HIF1AN: variants seen among roughly 807,000 people sequenced by gnomAD.
HIF1AN encodes the protein hypoxia-inducible factor 1-alpha inhibitor.
Under a neutral mutation model 47.7 loss-of-function variants are expected in HIF1AN, and 21 were observed. That is an observed-to-expected ratio of 0.44 (90% CI 0.31 to 0.63). HIF1AN has a LOEUF of 0.63. Ranked by LOEUF, HIF1AN falls within the 30% of genes least tolerant of loss-of-function variation. HIF1AN has a pLI of 0.07. For synonymous variants in HIF1AN, 152 were observed against 155.9 expected, an observed-to-expected ratio of 0.98 and a Z score of 0.18; for missense variants, 320 against 432.7, an observed-to-expected ratio of 0.74 and a Z score of 2.31.
intron 7 of HIF1AN, 23 bp downstream of exon 7, chr10:100,547,273 C>A: frequency 6.6e-7 from 1 of 1,514,710 alleles, no homozygotes; most frequent in Non-Finnish European, 9.2e-7. Context: ...CCCAAGGTGG[C>A]TCAGTGGGTG....
At chr10:100,542,541 G>C (rs375576272) in intron 3 of HIF1AN, among the ~76,000 whole-genome samples, 240 of 152,134 alleles carry the variant, frequency 1.6e-3, no homozygotes, top group African/African-American at 5.5e-3. Flanking sequence ...ACTTTTAGTA[G>C]AGATGGGGTT....
intron 3 of HIF1AN, among the ~76,000 whole-genome samples, chr10:100,543,546 C>G (rs1426526559): frequency 3.9e-5 from 6 of 152,048 alleles, no homozygotes; most frequent in Non-Finnish European, 7.4e-5. Flanking sequence ...TCTTGGTTGA[C>G]CTGCCAAGAA....
chr10:100,545,867 C>T (rs1843088555), intron 4 of HIF1AN, 76 bp from the exon 5 acceptor site: 1 of 915,026 alleles, frequency 1.1e-6, no homozygotes. Flanking sequence ...GTTTTTACTG[C>T]CAAACTGGCA....
Position 100,554,085 on chromosome 10 carries a change from G to A in HIF1AN, c.*5948G>A, listed in dbSNP as rs1035744934. 2.6e-5 allele frequency: 4 copies of A among 152,196 alleles called. No individual in the cohort carries two copies. Among genetic ancestry groups the A allele is most frequent in the Admixed American group, 6.5e-5 (1 of 15,282 alleles). The allele number at this position is 152,196 out of a possible 1,614,324, so 9.4% of individuals were successfully genotyped here. ...GAGTCTAGTACCTAAACTCACCCTA[G>A]AGGAAGAGAAACAGGAAGTGTCTTA... On this transcript the variant is annotated 3_prime_UTR_variant, in exon 8 of 8. Transcript: ENST00000299163.
Position 100,548,009 on chromosome 10 carries a change from C to T in HIF1AN, c.1006-84C>T, listed in dbSNP as rs1022812473. On this transcript the variant is annotated intron_variant, in intron 7 of 7. Transcript: ENST00000299163. Reference sequence around the variant, plus strand: ...AACATTGTCTCTGTCCTTGGCTGGACATCTGATGTCTCCAGACACACCCTG... The same window carrying T: ...AACATTGTCTCTGTCCTTGGCTGGATATCTGATGTCTCCAGACACACCCTG... The T allele has an allele frequency of 1.1e-5, 14 of 1,234,894 alleles. No homozygotes were observed. The African/African-American group carries it at 1.6e-4, about 14-fold the overall frequency. The allele number at this position is 1,234,894 out of a possible 1,614,324, so 76.5% of individuals were successfully genotyped here. A position where few individuals can be genotyped will look rare whatever the true frequency, so the allele number is the denominator to read the frequency against.
chr10:100,546,493 C>A, intron 5 of HIF1AN, 25 bp from the exon 6 acceptor site: 1 of 1,156,046 alleles, frequency 8.7e-7, no homozygotes, highest in Non-Finnish European at 1.2e-6. Flanking sequence ...CAGTAGTAAA[C>A]AGGAGCCTGT....
intron 3 of HIF1AN, 132 bp downstream of exon 3, chr10:100,540,914 C>G: frequency 1.2e-6 from 1 of 843,172 alleles, no homozygotes; most frequent in Non-Finnish European, 1.7e-6. Context: ...CTACTCAGCT[C>G]TAAAAGAAAC....
At position 100,549,840 on chromosome 10, in the gene HIF1AN, C is replaced by G. The variant is rs77405998; in HGVS notation, c.*1703C>G. On this transcript the variant is annotated 3_prime_UTR_variant, in exon 8 of 8. Transcript: ENST00000299163. ...AGCTCAGTTATAGTGCACTGATGAACTGAGAGGATGCGTGTGGATGTGTGT... is the reference window on the plus strand; with the variant it reads ...AGCTCAGTTATAGTGCACTGATGAAGTGAGAGGATGCGTGTGGATGTGTGT... The G allele has an allele frequency of 0.024, 3,653 of 151,458 alleles. 148 individuals carry two copies. Among genetic ancestry groups the G allele is most frequent in the East Asian group, 0.21 (1,087 of 5,124 alleles). 9.4% of individuals were successfully genotyped at this position (151,458 alleles called of 1,614,324 possible).
In HIF1AN at chr10:100,559,798, A is replaced by G. The variant is rs1308058633; in HGVS notation, c.*11661A>G. On this transcript the variant is annotated 3_prime_UTR_variant, in exon 8 of 8. Coordinates refer to ENST00000299163, the MANE Select transcript of HIF1AN (RefSeq NM_017902.3). ...AAAGTCACTCTCATTGACATTAAGAAACTCAGAGAGTGGGTTCTAAATGTA... is the reference window on the plus strand; with the variant it reads ...AAAGTCACTCTCATTGACATTAAGAGACTCAGAGAGTGGGTTCTAAATGTA... 2 of 152,188 alleles carry G rather than the reference A, an allele frequency of 1.3e-5. No individual in the cohort carries two copies. Among genetic ancestry groups the G allele is most frequent in the Non-Finnish European group, 2.9e-5 (2 of 68,036 alleles). 9.4% of individuals were successfully genotyped at this position (152,188 alleles called of 1,614,324 possible).
In HIF1AN at chr10:100,548,798, A is replaced by G. The variant is rs534802095; in HGVS notation, c.*661A>G. ...TGAGAGAGGATTAGATAGGGTTCCAACTGGGCCTACAAGCTCAAGCCATAC... is the reference window on the plus strand; with the variant it reads ...TGAGAGAGGATTAGATAGGGTTCCAGCTGGGCCTACAAGCTCAAGCCATAC... On this transcript the variant is annotated 3_prime_UTR_variant, in exon 8 of 8. Transcript: ENST00000299163. 6.6e-6 allele frequency: 1 copy of G among 152,622 alleles called. No individual in the cohort carries two copies. Among genetic ancestry groups the G allele is most frequent in the African/African-American group, 2.4e-5 (1 of 41,430 alleles). 9.5% of individuals were successfully genotyped at this position (152,622 alleles called of 1,614,324 possible). A position where few individuals can be genotyped will look rare whatever the true frequency, so the allele number is the denominator to read the frequency against.
At chr10:100,539,958 G>A (rs541296324) in intron 2 of HIF1AN, among the ~76,000 whole-genome samples, 2 of 152,242 alleles carry the variant, frequency 1.3e-5, no homozygotes, top group South Asian at 4.1e-4. Context: ...AGTTCTGGGT[G>A]TATGTGCATT....
chr10:100,539,065 C>T (rs972466381), intron 2 of HIF1AN, among the ~76,000 whole-genome samples: 7 of 152,048 alleles, frequency 4.6e-5, no homozygotes, highest in Admixed American at 3.9e-4. Context: ...GCTGCCACCA[C>T]CATGCCCAGC....
Position 100,536,081 on chromosome 10 carries a change from C to A in HIF1AN, c.123C>A (p.Pro41=). 1 of 1,611,608 alleles carries A rather than the reference C, an allele frequency of 6.2e-7. No homozygotes were observed. Among genetic ancestry groups the A allele is most frequent in the Non-Finnish European group, 8.5e-7 (1 of 1,179,028 alleles). The change falls in exon 1 of 8, where the codon CCC becomes CCA. Residue 41 remains proline (P), a synonymous_variant. Coordinates refer to ENST00000299163, the MANE Select transcript of HIF1AN (RefSeq NM_017902.3). ...QLRSYSFPTR[P]IPRLSQSDPR... ...GCAGTTATAGCTTCCCGACTAGGCCCATTCCGCGTCTGAGTCAGAGCGACC... is the reference window on the plus strand; with the variant it reads ...GCAGTTATAGCTTCCCGACTAGGCCAATTCCGCGTCTGAGTCAGAGCGACC...
chr10:100,549,028 G>C lies in HIF1AN; in HGVS notation c.*891G>C, dbSNP rs554616452. On this transcript the variant is annotated 3_prime_UTR_variant, in exon 8 of 8. Transcript: ENST00000299163. ...GTCTGTGTGTGCGTATCCACACTAG[G>C]GGTGCAAGCCTCTGGGTGTGTGTGT... The C allele has an allele frequency of 6.6e-6, 1 of 152,204 alleles. No individual in the cohort carries two copies. The highest frequency in any genetic ancestry group is 6.6e-5 in the Admixed American group (1 of 15,224). 9.4% of individuals were successfully genotyped at this position (152,204 alleles called of 1,614,324 possible).
At chr10:100,548,028 C>T in intron 7 of HIF1AN, 65 bp from the exon 8 acceptor site, 2 of 1,464,038 alleles carry the variant, frequency 1.4e-6, no homozygotes, top group East Asian at 2.3e-5. Flanking sequence ...TCTCCAGACA[C>T]ACCCTGTCCA....
In HIF1AN at chr10:100,559,112, A is replaced by G. The variant is rs1379272571; in HGVS notation, c.*10975A>G. On this transcript the variant is annotated 3_prime_UTR_variant, in exon 8 of 8. Transcript: ENST00000299163. ...CAGGCTGGAGTACAGTGGTACAATC[A>G]TTGCTAAGTCTTTCTGTAGTTTTAG... 2 of 151,626 alleles carry G rather than the reference A, an allele frequency of 1.3e-5. No individual in the cohort carries two copies. The highest frequency in any genetic ancestry group is 4.2e-4 in the South Asian group (2 of 4,818). The allele number at this position is 151,626 out of a possible 1,614,324, so 9.4% of individuals were successfully genotyped here. A position where few individuals can be genotyped will look rare whatever the true frequency, so the allele number is the denominator to read the frequency against.
At position 100,546,928 on chromosome 10, in the gene HIF1AN, T is replaced by G. The variant is rs190268923; in HGVS notation, c.895-212T>G. ...CTAATTTTTGTATCTTTAGTAGAGA[T>G]GGGGTTTCACCATGTTGGCCAGGCT... On this transcript the variant is annotated intron_variant, in intron 6 of 7. Coordinates refer to ENST00000299163, the MANE Select transcript of HIF1AN (RefSeq NM_017902.3). Among the ~76,000 whole-genome samples the G allele has an allele frequency of 3.7e-3, 569 of 152,090 alleles. 2 individuals carry two copies. The highest frequency in any genetic ancestry group is 0.012 in the African/African-American group (490 of 41,504).
At chr10:100,538,809 A>G (rs916661042) in intron 2 of HIF1AN, among the ~76,000 whole-genome samples, 14 of 123,392 alleles carry the variant, frequency 1.1e-4, no homozygotes, top group African/African-American at 4.4e-4. Context: ...TGACAGTGAG[A>G]CTCCGTCTCA....
Position 100,547,122 on chromosome 10 carries a change from C to T in HIF1AN, c.895-18C>T, listed in dbSNP as rs1843101831. 6.4e-7 allele frequency: 1 copy of T among 1,572,734 alleles called. No individual in the cohort carries two copies. Among genetic ancestry groups the T allele is most frequent in the South Asian group, 1.1e-5 (1 of 89,326 alleles). ...CCTGCTGCTAAAGGCATTTCCTGAG[C>T]TACTGCTTCCTTTGTAGGGGGCTCC... On this transcript the variant is annotated intron_variant, in intron 6 of 7. Coordinates refer to ENST00000299163, the MANE Select transcript of HIF1AN (RefSeq NM_017902.3).
Sources: gnomAD v4.1 joint callset for allele counts (sites outside exome capture counted in the v4.1 genomes callset) on GRCh38, gnomAD v4.1.1 for gene constraint, MANE v1.5 for transcripts, NCBI Gene and HGNC (gene_info 2026-07-23, HGNC 2026-07-21) for gene names.